GET4: variants seen among roughly 807,000 people sequenced by gnomAD.
GET4 encodes Golgi to ER traffic protein 4 homolog.
In GET4, 20 loss-of-function variants were observed where a neutral mutation model predicts 40.0. The ratio of observed to expected loss-of-function variants is 0.50; its 90% CI spans 0.35 to 0.73. The LOEUF is 0.73. GET4 is among the 30% of genes least tolerant of loss of function. The pLI is 0.01. For missense variants in GET4, 557 were observed against 454.0 expected (o/e 1.23, Z -2.06); for synonymous variants, 280 against 194.6 (o/e 1.44, Z -3.65).
At position 892,278 on chromosome 7, in the gene GET4, G is replaced by C; in HGVS notation, c.606G>C (p.Gln202His). ...VDMFVAQAVL[Q>H]FLCLKNKSSA... ...ACCACCAGCATGTTCTCATTTCCAG[G>C]TTTCTCTGTTTAAAAAACAAAAGTA... Residue 202 changes from glutamine to histidine, a missense_variant and splice_region_variant, in exon 6 of 9, where the codon CAG becomes CAC. By Grantham distance (24) the Gln-to-His change is conservative. Coordinates refer to ENST00000265857, the MANE Select transcript of GET4 (RefSeq NM_015949.3). 4 of 1,586,660 alleles carry C rather than the reference G, an allele frequency of 2.5e-6. No individual in the cohort carries two copies. The highest frequency in any genetic ancestry group is 3.5e-6 in the Non-Finnish European group (4 of 1,156,814).
At chr7:891,860 C>T (rs1002369774) in intron 5 of GET4, among the ~76,000 whole-genome samples, 4 of 152,252 alleles carry the variant, frequency 2.6e-5, no homozygotes, top group African/African-American at 4.8e-5. Context: ...GGCCCTGCCC[C>T]TGGGGCACTG....
chr7:882,220 C>G (rs576130018), intron 1 of GET4: 1 of 152,352 alleles, frequency 6.6e-6, no homozygotes, highest in South Asian at 2.1e-4. Flanking sequence ...AACGGTAGTT[C>G]TGTTTTTAGT....
intron 1 of GET4, chr7:884,581 T>TA: frequency 3.4e-6 from 1 of 289,880 alleles, no homozygotes; most frequent in South Asian, 3.1e-5. Context: ...TGTGCCAGGC[T>TA]AATGAGATGC....
intron 1 of GET4, among the ~76,000 whole-genome samples, chr7:878,619 C>T (rs1352423503): frequency 1.2e-4 from 17 of 145,458 alleles, no homozygotes. Flanking sequence ...TGTCCTCTGT[C>T]CCAGGCTGGA....
Position 891,065 on chromosome 7 carries a change from C to CAGTA in GET4, c.605_605+3dup. The CAGTA allele has an allele frequency of 6.3e-7, 1 of 1,591,920 alleles. No homozygotes were observed. Among genetic ancestry groups the CAGTA allele is most frequent in the Non-Finnish European group, 8.6e-7 (1 of 1,165,208 alleles). ...CATGTTCGTGGCCCAGGCCGTGCTA[C>CAGTA]AGTAGGTGTCTGTGGCTCTTCGGGT... On this transcript the variant is annotated stop_gained and frameshift_variant and splice_region_variant, in exon 5 of 9. Coordinates refer to ENST00000265857, the MANE Select transcript of GET4 (RefSeq NM_015949.3). LOFTEE classifies it high-confidence loss of function.
intron 8 of GET4, among the ~76,000 whole-genome samples, chr7:894,898 A>G (rs2077609065): frequency 6.6e-6 from 1 of 152,162 alleles, no homozygotes; most frequent in Non-Finnish European, 1.5e-5. Context: ...CAGCCGTTGA[A>G]GCTTTGGCAC....
At chr7:889,377 G>C (rs1455639911) in intron 4 of GET4, among the ~76,000 whole-genome samples, 3 of 152,238 alleles carry the variant, frequency 2.0e-5, no homozygotes, top group Admixed American at 2.0e-4. Context: ...CATGACACTT[G>C]GGCTATGTGC....
intron 1 of GET4, among the ~76,000 whole-genome samples, chr7:879,094 G>A (rs1844032537): frequency 6.6e-6 from 1 of 152,210 alleles, no homozygotes; most frequent in Non-Finnish European, 1.5e-5. Flanking sequence ...ACTCCCTGAA[G>A]ACCCTCTGCT....
chr7:876,604 C>G lies in GET4; in HGVS notation c.-42C>G. 1 of 1,163,940 alleles carries G rather than the reference C, an allele frequency of 8.6e-7. No homozygotes were observed. The highest frequency in any genetic ancestry group is 1.1e-6 in the Non-Finnish European group (1 of 940,360). 72.1% of individuals were successfully genotyped at this position (1,163,940 alleles called of 1,614,324 possible). ...ACGGAAGCCGGGAGGCGCTGCCGAC[C>G]GCGCCTGCGACAGCGTCAGCCCTGC... On this transcript the variant is annotated 5_prime_UTR_variant, in exon 1 of 9. Transcript: ENST00000265857.
At position 886,068 on chromosome 7, in the gene GET4, G is replaced by C; in HGVS notation, c.168G>C (p.Gln56His). ...CTCTCTGTGGCAGGTACATGTCCCAGAGCAAGCACACGGAGGCCCGGGAGC... is the reference window on the plus strand; with the variant it reads ...CTCTCTGTGGCAGGTACATGTCCCACAGCAAGCACACGGAGGCCCGGGAGC... ...YRTLFFRYMS[Q>H]SKHTEARELM... Residue 56 changes from glutamine (Q) to histidine (H), a missense_variant, in exon 2 of 9, where the codon CAG becomes CAC. Physicochemically the swap from Gln to His is conservative, Grantham distance 24. Coordinates refer to ENST00000265857, the MANE Select transcript of GET4 (RefSeq NM_015949.3). The C allele has an allele frequency of 6.2e-7, 1 of 1,606,010 alleles. No homozygotes were observed. Among genetic ancestry groups the C allele is most frequent in the Non-Finnish European group, 8.5e-7 (1 of 1,174,438 alleles).
At chr7:892,546 C>T (rs1003492275) in intron 6 of GET4, 128 bp downstream of exon 6, 1 of 958,436 alleles carries the variant, frequency 1.0e-6, no homozygotes, top group Admixed American at 2.2e-5. Flanking sequence ...TGGGTATATG[C>T]ATAGGGTATG....
intron 4 of GET4, 43 bp downstream of exon 4, chr7:887,562 C>G: frequency 6.9e-7 from 1 of 1,446,382 alleles, no homozygotes; most frequent in Non-Finnish European, 9.2e-7. Flanking sequence ...TCTCTGCTCT[C>G]GGCGTTGATT....
chr7:884,052 G>A (rs1029284602), intron 1 of GET4: 15 of 1,171,872 alleles, frequency 1.3e-5, no homozygotes, highest in Non-Finnish European at 1.6e-5. Flanking sequence ...CAGGCTCCTC[G>A]TGCAGGAATA....
At chr7:894,493 C>T (rs1029233285) in intron 8 of GET4, among the ~76,000 whole-genome samples, 4 of 152,148 alleles carry the variant, frequency 2.6e-5, no homozygotes, top group African/African-American at 9.7e-5. Context: ...GACCTCTCCC[C>T]ACAGATGTCT....
intron 5 of GET4, among the ~76,000 whole-genome samples, chr7:891,497 T>C (rs569570948): frequency 2.7e-5 from 4 of 150,632 alleles, no homozygotes; most frequent in South Asian, 2.1e-4. Context: ...CGTGGTCCCT[T>C]CCGCCAGCTC....
chr7:880,389 C>G lies in GET4; in HGVS notation c.155+3589C>G, dbSNP rs189474096. 4.6e-5 allele frequency: 7 copies of G among 152,368 alleles called. No individual in the cohort carries two copies. The East Asian group carries it at 7.7e-4, about 17-fold the overall frequency. The allele number at this position is 152,368 out of a possible 1,614,324, so 9.4% of individuals were successfully genotyped here. On this transcript the variant is annotated intron_variant, in intron 1 of 8. Coordinates refer to ENST00000265857, the MANE Select transcript of GET4 (RefSeq NM_015949.3). Reference sequence around the variant, plus strand: ...GTGATTAACCAGCAAAAATGGATCTCCCCCGAAATAAACACAGTGTTCCTT... The same window carrying G: ...GTGATTAACCAGCAAAAATGGATCTGCCCCGAAATAAACACAGTGTTCCTT...
intron 2 of GET4, 134 bp from the exon 3 acceptor site, chr7:886,435 G>C: frequency 1.5e-6 from 1 of 688,054 alleles, no homozygotes; most frequent in South Asian, 1.7e-5. Context: ...GCATTGCCAA[G>C]GGACGTGGTG....
chr7:878,894 T>G (rs576672423), intron 1 of GET4, among the ~76,000 whole-genome samples: 4 of 152,270 alleles, frequency 2.6e-5, no homozygotes, highest in African/African-American at 9.6e-5. Flanking sequence ...ACTTTACTTT[T>G]TAGAGCAGTT....
At chr7:892,687 GGTA>G (rs1162217602) in intron 6 of GET4, among the ~76,000 whole-genome samples, 3 of 151,690 alleles carry the variant, frequency 2.0e-5, no homozygotes, top group South Asian at 2.1e-4. Context: ...TTGGGCCTCT[GGTA>G]GTGTGGGTGT....
Sources: allele counts gnomAD v4.1 joint callset (sites outside exome capture counted in the v4.1 genomes callset), GRCh38; gene constraint gnomAD v4.1.1; transcripts MANE v1.5; gene names NCBI Gene and HGNC (gene_info 2026-07-23, HGNC 2026-07-21).